Variants in MORC1 observed in about 807,000 individuals in gnomAD.
The protein encoded by MORC1 is MORC family CW-type zinc finger 1.
A neutral mutation model predicts 134.9 loss-of-function variants in MORC1; 59 were observed. That is an observed-to-expected ratio of 0.44 (90% CI 0.35 to 0.54). MORC1 has a LOEUF of 0.54. MORC1 is among the 20% of genes least tolerant of loss of function. The probability of loss-of-function intolerance (pLI) is 0.00; values close to 1 mark genes in which losing one functional copy is unlikely to be tolerated. For missense variants in MORC1, 947 were observed against 1,134.5 expected (o/e 0.83, Z 2.37); for synonymous variants, 395 against 391.7 (o/e 1.01, Z -0.10).
intron 23 of MORC1, among the ~76,000 whole-genome samples, chr3:108,982,995 C>A (rs1218810422): frequency 6.7e-6 from 1 of 150,072 alleles, no homozygotes; most frequent in African/African-American, 2.5e-5. Context: ...TTCTAACATT[C>A]ATATTGTATT....
chr3:109,032,610 C>G, intron 16 of MORC1, 110 bp downstream of exon 16: 1 of 718,574 alleles, frequency 1.4e-6, no homozygotes, highest in South Asian at 2.0e-5. Context: ...TGAAGAGATA[C>G]CAGATACTAA....
chr3:109,025,379 CTTT>C (rs63701060), intron 17 of MORC1, among the ~76,000 whole-genome samples: 4 of 105,096 alleles, frequency 3.8e-5, no homozygotes, highest in Admixed American at 1.1e-4. Context: ...TTTCTTTTTT[CTTT>C]TTTTTTTTTT....
intron 24 of MORC1, among the ~76,000 whole-genome samples, chr3:108,972,713 G>C (rs948362703): frequency 7.2e-5 from 11 of 152,208 alleles, no homozygotes; most frequent in African/African-American, 2.2e-4. Context: ...TGGAGCAGGA[G>C]GGGTGAGAGA....
At chr3:109,006,940 A>G (rs1367117514) in intron 18 of MORC1, 89 bp downstream of exon 18, 2 of 1,019,554 alleles carry the variant, frequency 2.0e-6, no homozygotes, top group African/African-American at 3.2e-5. Context: ...AACCTCATAA[A>G]CCATGATGAC....
intron 8 of MORC1, among the ~76,000 whole-genome samples, chr3:109,083,435 A>T (rs1244152846): frequency 6.6e-6 from 1 of 152,126 alleles, no homozygotes; most frequent in African/African-American, 2.4e-5. Context: ...CCAAAAGACA[A>T]ATCTATCAAA....
At chr3:109,098,290 TA>T (rs1559951282) in intron 6 of MORC1, among the ~76,000 whole-genome samples, 1 of 152,086 alleles carries the variant, frequency 6.6e-6, no homozygotes, top group African/African-American at 2.4e-5. Context: ...TAGTTTTTTT[TA>T]AAAAAGGGAA....
At chr3:109,040,456 G>GAA (rs1949502494) in intron 14 of MORC1, among the ~76,000 whole-genome samples, 1 of 134,252 alleles carries the variant, frequency 7.4e-6, no homozygotes, top group African/African-American at 2.8e-5. Context: ...AAGAAAGAAA[G>GAA]AAAGAAAGAA....
intron 16 of MORC1, among the ~76,000 whole-genome samples, chr3:109,029,136 G>T (rs150093929): frequency 6.6e-6 from 1 of 152,196 alleles, no homozygotes; most frequent in African/African-American, 2.4e-5. Flanking sequence ...TACCAACAGA[G>T]AAGAGTTAGG....
At chr3:109,106,371 T>G (rs1164169219) in intron 3 of MORC1, among the ~76,000 whole-genome samples, 1 of 152,208 alleles carries the variant, frequency 6.6e-6, no homozygotes, top group Non-Finnish European at 1.5e-5. Context: ...GTATCTCCTT[T>G]TTTTGTAAAT....
intron 24 of MORC1, among the ~76,000 whole-genome samples, chr3:108,976,221 A>G (rs745522453): frequency 2.0e-5 from 3 of 152,166 alleles, no homozygotes; most frequent in Non-Finnish European, 4.4e-5. Context: ...CTACCTTGGC[A>G]TTGTGGAAAT....
At chr3:109,075,194 T>C (rs1323667459) in intron 8 of MORC1, among the ~76,000 whole-genome samples, 1 of 152,208 alleles carries the variant, frequency 6.6e-6, no homozygotes, top group Non-Finnish European at 1.5e-5. Context: ...TGCCATTATG[T>C]AAAAGAATAT....
chr3:109,096,722 T>C (rs1345473095), intron 6 of MORC1, among the ~76,000 whole-genome samples: 1 of 152,178 alleles, frequency 6.6e-6, no homozygotes, highest in Non-Finnish European at 1.5e-5. Flanking sequence ...CTTATTCCTC[T>C]ACTTTTTTCT....
Position 109,111,050 on chromosome 3 carries a change from T to TA in MORC1, c.120-268dup, listed in dbSNP as rs11344763. On this transcript the variant is annotated intron_variant, in intron 2 of 27. Coordinates refer to ENST00000232603, the MANE Select transcript of MORC1 (RefSeq NM_014429.4). ...AAAAACTAACAAAATGGATATAATTTAAAAAAAAAAAAAAAAAACAAAAAA... is the reference window on the plus strand; with the variant it reads ...AAAAACTAACAAAATGGATATAATTTAAAAAAAAAAAAAAAAAAACAAAAAA... 1.4e-3 allele frequency among the ~76,000 whole-genome samples: 156 copies of TA among 113,856 alleles called. 1 individual carries two copies. The highest frequency in any genetic ancestry group is 3.3e-3 in the African/African-American group (106 of 32,490). 74.7% of individuals were successfully genotyped at this position (113,856 alleles called of 152,430 possible).
chr3:109,094,462 A>G (rs1031934216), intron 7 of MORC1, among the ~76,000 whole-genome samples: 1 of 152,252 alleles, frequency 6.6e-6, no homozygotes, highest in Non-Finnish European at 1.5e-5. Flanking sequence ...AGAATGGGGA[A>G]AAGATCTGTT....
chr3:109,077,129 A>G (rs1950439129), intron 8 of MORC1, among the ~76,000 whole-genome samples: 1 of 152,204 alleles, frequency 6.6e-6, no homozygotes, highest in African/African-American at 2.4e-5. Context: ...AAGGGAAACT[A>G]TTTTTGAACC....
At chr3:109,096,232 G>GA (rs1328245401) in intron 6 of MORC1, among the ~76,000 whole-genome samples, 1 of 152,204 alleles carries the variant, frequency 6.6e-6, no homozygotes, top group African/African-American at 2.4e-5. Context: ...AGAGGTGTCT[G>GA]AATCAGAGTG....
chr3:108,994,406 A>C (rs1422668626), intron 21 of MORC1, among the ~76,000 whole-genome samples: 1 of 152,096 alleles, frequency 6.6e-6, no homozygotes, highest in Non-Finnish European at 1.5e-5. Context: ...TCAATAAAAA[A>C]AATTGTATGG....
At chr3:108,971,822 GAA>G in intron 24 of MORC1, among the ~76,000 whole-genome samples, 1 of 138,312 alleles carries the variant, frequency 7.2e-6, no homozygotes. Context: ...AGGAAGGAAG[GAA>G]GGAAGGGAGG....
intron 17 of MORC1, among the ~76,000 whole-genome samples, chr3:109,024,311 C>A (rs763744116): frequency 2.6e-5 from 4 of 152,120 alleles, no homozygotes; most frequent in Non-Finnish European, 4.4e-5. Context: ...TTATTTTTAA[C>A]TTTTTTGGAT....
Sources: gnomAD v4.1 joint callset for allele counts (sites outside exome capture counted in the v4.1 genomes callset) on GRCh38, gnomAD v4.1.1 for gene constraint, MANE v1.5 for transcripts, NCBI Gene and HGNC (gene_info 2026-07-23, HGNC 2026-07-21) for gene names.